ADRA1A: variants seen among roughly 807,000 people sequenced by gnomAD.
ADRA1A encodes the protein adrenoceptor alpha 1A, also known as alpha-1A adrenergic receptor.
Under a neutral mutation model 29.6 loss-of-function variants are expected in ADRA1A, and 31 were observed. The ratio of observed to expected loss-of-function variants is 1.05; its 90% CI spans 0.79 to 1.41. The LOEUF is 1.41. ADRA1A is among the 40% of genes most tolerant of loss of function. The probability of loss-of-function intolerance (pLI) is 0.00; values close to 1 mark genes in which losing one functional copy is unlikely to be tolerated. For synonymous variants in ADRA1A, 311 were observed against 254.3 expected, an observed-to-expected ratio of 1.22 and a Z score of -2.12; for missense variants, 619 against 601.1, an observed-to-expected ratio of 1.03 and a Z score of -0.31.
At chr8:26,818,414 T>A (rs1809914376) in intron 2 of ADRA1A, among the ~76,000 whole-genome samples, 1 of 152,190 alleles carries the variant, frequency 6.6e-6, no homozygotes. Flanking sequence ...TTTTTGTTTG[T>A]AAAATTTTCT....
chr8:26,757,161 G>A (rs1288198794), intron 2 of ADRA1A: 1 of 700,094 alleles, frequency 1.4e-6, no homozygotes, highest in Non-Finnish European at 2.6e-6. Flanking sequence ...AAGCAGAGTT[G>A]GGCCAAGAAC....
chr8:26,783,982 C>T (rs1272059438), intron 2 of ADRA1A, among the ~76,000 whole-genome samples: 1 of 124,806 alleles, frequency 8.0e-6, no homozygotes, highest in African/African-American at 3.6e-5. Flanking sequence ...TGAATGAACA[C>T]AGGGACACAA....
downstream of ADRA1A, among the ~76,000 whole-genome samples, chr8:26,768,037 A>G (rs1805883645): frequency 6.6e-6 from 1 of 152,220 alleles, no homozygotes; most frequent in South Asian, 2.1e-4. Context: ...CCAAGTTCTG[A>G]ACACAAGGCT....
In ADRA1A at chr8:26,770,328, C is replaced by G. The variant is rs762959100; in HGVS notation, c.1222G>C (p.Ala408Pro). The change falls in exon 3 of 3, where the codon GCC (alanine) becomes CCC (proline). Residue 408 changes from alanine (A) to proline (P), a missense_variant. By Grantham distance (27) the Ala-to-Pro change is conservative. Coordinates refer to ENST00000380573, the MANE Select transcript of ADRA1A (RefSeq NM_000680.4). ...KFFSSMPRGS[A>P]RITVSKDQSS... ...TGGTCTTTGGACACTGTAATCCTGGCAGATCCACGGGGCATGGAAGAGAAA... is the reference window on the plus strand; with the variant it reads ...TGGTCTTTGGACACTGTAATCCTGGGAGATCCACGGGGCATGGAAGAGAAA... 6.2e-7 allele frequency: 1 copy of G among 1,614,208 alleles called. No homozygotes were observed. The highest frequency in any genetic ancestry group is 8.5e-7 in the Non-Finnish European group (1 of 1,180,026).
chr8:26,814,771 A>C (rs941637304), intron 2 of ADRA1A, among the ~76,000 whole-genome samples: 7 of 152,236 alleles, frequency 4.6e-5, no homozygotes, highest in Non-Finnish European at 8.8e-5. Flanking sequence ...GTGGAATTTT[A>C]GATGACCTTT....
chr8:26,864,291 A>C lies in ADRA1A; in HGVS notation c.679T>G (p.Ser227Ala). 5 of 1,614,122 alleles carry C rather than the reference A, an allele frequency of 3.1e-6. No individual in the cohort carries two copies. The highest frequency in any genetic ancestry group is 4.2e-6 in the Non-Finnish European group (5 of 1,180,028). ...GLKSGLKTDK[S>A]DSEQVTLRIH... ...CGGAGCGTCACTTGCTCCGAGTCCG[A>C]CTTGTCGGTCTTGAGGCCAGACTTG... The change falls in exon 2 of 3, where the codon TCG (serine) becomes GCG (alanine). Residue 227 changes from serine to alanine, a missense_variant. By Grantham distance (99) the Ser-to-Ala change is moderately conservative. Coordinates refer to ENST00000380573, the MANE Select transcript of ADRA1A (RefSeq NM_000680.4). This position sits in a 1 kb window ranked among gnomAD's most constrained non-coding sequence, Gnocchi z 8.1.
rs1808210823 is a variant in ADRA1A, at chr8:26,796,655, G to A, written c.884-25989C>T. On this transcript the variant is annotated intron_variant, in intron 2 of 2. Transcript: ENST00000380573. This position sits in a 1 kb window ranked among gnomAD's most constrained non-coding sequence, Gnocchi z 5.0. ...GGACATATGAGACAGTGGAGTGGAG[G>A]GTATTTTAAATGAAGGGGAATGATG... Among the ~76,000 whole-genome samples, 3 of 152,022 alleles carry A rather than the reference G, an allele frequency of 2.0e-5. No individual in the cohort carries two copies. Among genetic ancestry groups the A allele is most frequent in the Non-Finnish European group, 4.4e-5 (3 of 67,984 alleles).
chr8:26,814,280 G>T (rs1397732561), intron 2 of ADRA1A, among the ~76,000 whole-genome samples: 1 of 151,862 alleles, frequency 6.6e-6, no homozygotes, highest in Non-Finnish European at 1.5e-5. Context: ...GTCTTGCTCT[G>T]TCGCCCAGGC....
chr8:26,763,628 T>C (rs911459695), downstream of ADRA1A, among the ~76,000 whole-genome samples: 6 of 152,148 alleles, frequency 3.9e-5, no homozygotes, highest in Non-Finnish European at 7.4e-5. The surrounding 1 kb of genome is among the most constrained non-coding windows in gnomAD (Gnocchi z 4.5). Context: ...GTCAATGGCA[T>C]ATGAAAAAAA....
intron 2 of ADRA1A, among the ~76,000 whole-genome samples, chr8:26,851,586 T>C (rs1812633780): frequency 6.6e-6 from 1 of 152,198 alleles, no homozygotes; most frequent in Non-Finnish European, 1.5e-5. Context: ...CAAGCTGCTA[T>C]ATAAAATGGT....
At chr8:26,765,867 G>T, downstream of ADRA1A, 1 of 1,405,826 alleles carries the variant, frequency 7.1e-7, no homozygotes, top group Non-Finnish European at 9.2e-7. Flanking sequence ...GTGAAAAATT[G>T]CCTGCCCAAG....
chr8:26,853,336 C>G (rs527386582), intron 2 of ADRA1A, among the ~76,000 whole-genome samples: 10 of 152,214 alleles, frequency 6.6e-5, no homozygotes, highest in Admixed American at 3.9e-4. Flanking sequence ...AAAGTCTAAA[C>G]AACAGTTCAA....
intron 2 of ADRA1A, among the ~76,000 whole-genome samples, chr8:26,788,380 C>T (rs1204572564): frequency 1.3e-5 from 2 of 152,062 alleles, no homozygotes; most frequent in African/African-American, 4.8e-5. Flanking sequence ...TTTGTTTCTT[C>T]TTTTTGTCAC....
chr8:26,770,973 C>G (rs975545252), intron 2 of ADRA1A, among the ~76,000 whole-genome samples: 3 of 149,756 alleles, frequency 2.0e-5, no homozygotes, highest in African/African-American at 7.5e-5. Flanking sequence ...ATGTGAAACT[C>G]AGACTGAGTC....
At chr8:26,778,840 T>C (rs1448490741) in intron 2 of ADRA1A, among the ~76,000 whole-genome samples, 6 of 151,768 alleles carry the variant, frequency 4.0e-5, no homozygotes, top group Non-Finnish European at 7.4e-5. Context: ...ATATACCTAA[T>C]GTAAATGACG....
downstream of ADRA1A, chr8:26,766,159 C>CA (rs747455439): frequency 2.5e-4 from 396 of 1,555,238 alleles, no homozygotes; most frequent in Non-Finnish European, 2.6e-4. Context: ...TCTGTCCAAA[C>CA]AAAAAAAAAG....
intron 2 of ADRA1A, chr8:26,835,741 T>C (rs1238282324): frequency 2.0e-5 from 3 of 152,162 alleles, no homozygotes; most frequent in African/African-American, 7.2e-5. Flanking sequence ...CAATTCCTCA[T>C]AGAGATATTC....
At chr8:26,798,419 G>A (rs544796791) in intron 2 of ADRA1A, among the ~76,000 whole-genome samples, 1 of 152,284 alleles carries the variant, frequency 6.6e-6, no homozygotes, top group Non-Finnish European at 1.5e-5. Flanking sequence ...GACTCAATAT[G>A]TTAAGCAGAT....
chr8:26,802,707 C>T (rs965330381), intron 2 of ADRA1A, among the ~76,000 whole-genome samples: 2 of 152,088 alleles, frequency 1.3e-5, no homozygotes, highest in Non-Finnish European at 2.9e-5. Context: ...TATGATCCAG[C>T]GATCCTACTG....
Sources: allele counts gnomAD v4.1 joint callset (sites outside exome capture counted in the v4.1 genomes callset), GRCh38; gene constraint gnomAD v4.1.1; non-coding constraint Gnocchi (gnomAD v3.1); transcripts MANE v1.5; gene names NCBI Gene and HGNC (gene_info 2026-07-23, HGNC 2026-07-21).